The following MLYCD variants were observed in gnomAD, a reference collection of about 807,000 sequenced individuals.
MLYCD encodes the protein malonyl-CoA decarboxylase.
Under a neutral mutation model 35.8 loss-of-function variants are expected in MLYCD, and 27 were observed. That is an observed-to-expected ratio of 0.75 (90% CI 0.56 to 1.04). MLYCD has a LOEUF of 1.04. MLYCD is among the 50% of genes least tolerant of loss of function. The probability of loss-of-function intolerance (pLI) is 0.00; values close to 1 mark genes in which losing one functional copy is unlikely to be tolerated. For synonymous variants in MLYCD, 403 were observed against 302.4 expected (o/e 1.33, Z -3.45); for missense variants, 917 against 665.1 (o/e 1.38, Z -4.17).
chr16:83,915,683 G>C lies in MLYCD; in HGVS notation c.*194G>C. Reference sequence around the variant, plus strand: ...TGGGCGTGACATGCACCCAGTGCAAGACGGTTGTGGGTGCGGGTGCACACA... The same window carrying C: ...TGGGCGTGACATGCACCCAGTGCAACACGGTTGTGGGTGCGGGTGCACACA... On this transcript the variant is annotated 3_prime_UTR_variant, in exon 5 of 5. Transcript: ENST00000262430. 2 of 1,472,278 alleles carry C rather than the reference G, an allele frequency of 1.4e-6. No homozygotes were observed. The highest frequency in any genetic ancestry group is 2.5e-4 in the Middle Eastern group (1 of 4,042). The allele number at this position is 1,472,278 out of a possible 1,614,324, so 91.2% of individuals were successfully genotyped here. A position where few individuals can be genotyped will look rare whatever the true frequency, so the allele number is the denominator to read the frequency against.
chr16:83,904,198 G>A (rs960580482), intron 1 of MLYCD, among the ~76,000 whole-genome samples: 15 of 151,194 alleles, frequency 9.9e-5, no homozygotes, highest in African/African-American at 3.2e-4. Flanking sequence ...TTCATATCAC[G>A]AATGTAAGAC....
At chr16:83,902,340 G>A (rs912215682) in intron 1 of MLYCD, among the ~76,000 whole-genome samples, 5 of 150,680 alleles carry the variant, frequency 3.3e-5, no homozygotes, top group African/African-American at 1.2e-4. Context: ...ATTATAGATA[G>A]GTGTGAGCCC....
rs757157850 is a variant in MLYCD at position 83,899,480 on chromosome 16, G to A, written c.336G>A (p.Leu112=). Residue 112 remains leucine (L), a synonymous_variant, in exon 1 of 5, where the codon CTG becomes CTA. Transcript: ENST00000262430. ...AGCAGAGCGCCGGCGTGCTCCATCT[G>A]CGCCAGCAGCAGCGGGAGGCGGCGG... The part of the protein sequence containing the change: ...VAEQSAGVLH[L]RQQQREAAVL... 8 of 1,559,342 alleles carry A rather than the reference G, an allele frequency of 5.1e-6. No individual in the cohort carries two copies. The highest frequency in any genetic ancestry group is 6.9e-6 in the Non-Finnish European group (8 of 1,163,084).
At chr16:83,903,356 T>C (rs979466998) in intron 1 of MLYCD, among the ~76,000 whole-genome samples, 3 of 152,198 alleles carry the variant, frequency 2.0e-5, no homozygotes, top group Non-Finnish European at 4.4e-5. Flanking sequence ...TAAATAATAC[T>C]TATTTTTAGA....
chr16:83,903,143 A>G (rs1487169831), intron 1 of MLYCD, among the ~76,000 whole-genome samples: 1 of 152,148 alleles, frequency 6.6e-6, no homozygotes, highest in Non-Finnish European at 1.5e-5. Context: ...ATTCATGGAA[A>G]GGGTTCCTCA....
At chr16:83,903,578 A>T (rs1452819355) in intron 1 of MLYCD, among the ~76,000 whole-genome samples, 1 of 152,184 alleles carries the variant, frequency 6.6e-6, no homozygotes, top group Non-Finnish European at 1.5e-5. Flanking sequence ...AAAGAGAGGG[A>T]ACCAGTTTCT....
Position 83,899,407 on chromosome 16 carries a change from T to G in MLYCD, c.263T>G (p.Leu88Arg). 1 of 1,518,528 alleles carries G rather than the reference T, an allele frequency of 6.6e-7. No homozygotes were observed. The highest frequency in any genetic ancestry group is 2.0e-5 in the Admixed American group (1 of 48,886). The allele number at this position is 1,518,528 out of a possible 1,614,324, so 94.1% of individuals were successfully genotyped here. A position where few individuals can be genotyped will look rare whatever the true frequency, so the allele number is the denominator to read the frequency against. ...LAETAQRAEL[L>R]GRLARGFGVD... ...GAGACGGCCCAGCGGGCCGAACTGC[T>G]GGGCCGCCTGGCGCGGGGCTTCGGC... The change falls in exon 1 of 5, where the codon CTG becomes CGG. Residue 88 changes from leucine (L) to arginine (R), a missense_variant. Physicochemically the swap from Leu to Arg is moderately radical, Grantham distance 102. Coordinates refer to ENST00000262430, the MANE Select transcript of MLYCD (RefSeq NM_012213.3).
In MLYCD at chr16:83,917,616, A is replaced by G. The variant is rs186843345; in HGVS notation, c.*2127A>G. 1 of 152,340 alleles carries G rather than the reference A, an allele frequency of 6.6e-6. No individual in the cohort carries two copies. The highest frequency in any genetic ancestry group is 1.5e-5 in the Non-Finnish European group (1 of 68,044). The allele number at this position is 152,340 out of a possible 1,614,324, so 9.4% of individuals were successfully genotyped here. Reference sequence around the variant, plus strand: ...TTGTTCTCCGGGCTGATTCTGAAAGAGTGGCTTGCAGGCCAATCAATGCAA... The same window carrying G: ...TTGTTCTCCGGGCTGATTCTGAAAGGGTGGCTTGCAGGCCAATCAATGCAA... On this transcript the variant is annotated 3_prime_UTR_variant, in exon 5 of 5. Coordinates refer to ENST00000262430, the MANE Select transcript of MLYCD (RefSeq NM_012213.3).
chr16:83,916,006 A>C lies in MLYCD; in HGVS notation c.*517A>C. The C allele has an allele frequency of 9.9e-7, 1 of 1,007,534 alleles. No individual in the cohort carries two copies. Among genetic ancestry groups the C allele is most frequent in the Non-Finnish European group, 1.2e-6 (1 of 841,380 alleles). The allele number at this position is 1,007,534 out of a possible 1,614,324, so 62.4% of individuals were successfully genotyped here. A position where few individuals can be genotyped will look rare whatever the true frequency, so the allele number is the denominator to read the frequency against. On this transcript the variant is annotated 3_prime_UTR_variant, in exon 5 of 5. Transcript: ENST00000262430. ...ACTTCCCAGTTACATTCTGAAGCTC[A>C]TAAATGTATGAGAAGGTTTGTGATT...
rs560874471 is a variant in MLYCD at position 83,924,462 on chromosome 16, G to C, written c.*8973G>C. The C allele has an allele frequency of 6.6e-6, 1 of 152,154 alleles. No homozygotes were observed. The highest frequency in any genetic ancestry group is 1.5e-5 in the Non-Finnish European group (1 of 68,052). 9.4% of individuals were successfully genotyped at this position (152,154 alleles called of 1,614,324 possible). A position where few individuals can be genotyped will look rare whatever the true frequency, so the allele number is the denominator to read the frequency against. ...AAGCTCCCGTGCGTCTGTGACAGAG[G>C]CTTGAACCCCCGGCTTGTTCTCTCA... On this transcript the variant is annotated 3_prime_UTR_variant, in exon 5 of 5. Transcript: ENST00000262430.
At chr16:83,906,676 A>C (rs1906987114) in intron 1 of MLYCD, among the ~76,000 whole-genome samples, 1 of 152,242 alleles carries the variant, frequency 6.6e-6, no homozygotes, top group Admixed American at 6.5e-5. Flanking sequence ...TAGTATGCTC[A>C]CTATGGTGAA....
rs1281788935 is a variant in MLYCD at position 83,923,465 on chromosome 16, T to G, written c.*7976T>G. 1 of 152,238 alleles carries G rather than the reference T, an allele frequency of 6.6e-6. No homozygotes were observed. The highest frequency in any genetic ancestry group is 1.5e-5 in the Non-Finnish European group (1 of 68,042). 9.4% of individuals were successfully genotyped at this position (152,238 alleles called of 1,614,324 possible). ...GGTGACCCTAGATCTCTGTCTCGCC[T>G]TTGTTTGGTTTATTTCCACATTGCA... On this transcript the variant is annotated 3_prime_UTR_variant, in exon 5 of 5. Transcript: ENST00000262430.
Position 83,920,126 on chromosome 16 carries a change from C to T in MLYCD, c.*4637C>T, listed in dbSNP as rs1291016595. 1.3e-5 allele frequency: 2 copies of T among 151,876 alleles called. No homozygotes were observed. Among genetic ancestry groups the T allele is most frequent in the Non-Finnish European group, 2.9e-5 (2 of 68,000 alleles). The allele number at this position is 151,876 out of a possible 1,614,324, so 9.4% of individuals were successfully genotyped here. A position where few individuals can be genotyped will look rare whatever the true frequency, so the allele number is the denominator to read the frequency against. The stretch of plus-strand genomic sequence containing the variant: ...AGCACACGGTACACAGCAGAACACC[C>T]GCAGTGCACAGGAGAACCTAGTGCA... On this transcript the variant is annotated 3_prime_UTR_variant, in exon 5 of 5. Transcript: ENST00000262430.
In MLYCD at chr16:83,926,660, T is replaced by G. The variant is rs1391864652; in HGVS notation, c.*11171T>G. 1 of 152,270 alleles carries G rather than the reference T, an allele frequency of 6.6e-6. No homozygotes were observed. The highest frequency in any genetic ancestry group is 1.5e-5 in the Non-Finnish European group (1 of 68,072). The allele number at this position is 152,270 out of a possible 1,614,324, so 9.4% of individuals were successfully genotyped here. On this transcript the variant is annotated 3_prime_UTR_variant, in exon 5 of 5. Coordinates refer to ENST00000262430, the MANE Select transcript of MLYCD (RefSeq NM_012213.3). ...ATGTTGATATTAGTGGTCCCTTCCT[T>G]CAGGGGCTGTGGGGATCTCAAAAGA...
In MLYCD at chr16:83,915,425, TC is replaced by T; in HGVS notation, c.1419del (p.Ile474SerfsTer10). 10 of 1,613,708 alleles carry T rather than the reference TC, an allele frequency of 6.2e-6. No homozygotes were observed. Among genetic ancestry groups the T allele is most frequent in the Non-Finnish European group, 8.5e-6 (10 of 1,180,038 alleles). Reference sequence around the variant, plus strand: ...AGCACCTCCTACCTCGGCTCCAAGATCATCAAAGCCTCTGAGCAGGTCCTCA... The same window carrying T: ...AGCACCTCCTACCTCGGCTCCAAGATATCAAAGCCTCTGAGCAGGTCCTCA... Reference protein sequence around the residue: ...PNSTSYLGSKIIKASEQVLSL... With the variant: ...PNSTSYLGSKXIKASEQVLSL... On this transcript the variant is annotated frameshift_variant, in exon 5 of 5. Coordinates refer to ENST00000262430, the MANE Select transcript of MLYCD (RefSeq NM_012213.3). LOFTEE classifies it high-confidence loss of function.
intron 1 of MLYCD, among the ~76,000 whole-genome samples, chr16:83,900,582 A>ATTTT (rs1156957811): frequency 1.5e-3 from 176 of 120,990 alleles, no homozygotes; most frequent in Non-Finnish European, 2.0e-3. Context: ...TGCCCGGCTA[A>ATTTT]TTTTTTTTTT....
chr16:83,903,801 C>T (rs572576644), intron 1 of MLYCD, among the ~76,000 whole-genome samples: 1 of 152,338 alleles, frequency 6.6e-6, no homozygotes, highest in South Asian at 2.1e-4. Flanking sequence ...GCAGAATCCA[C>T]TGAGAACTGT....
intron 1 of MLYCD, among the ~76,000 whole-genome samples, chr16:83,906,184 C>T (rs766000407): frequency 1.3e-5 from 2 of 151,954 alleles, no homozygotes; most frequent in Non-Finnish European, 2.9e-5. Flanking sequence ...CTCAGGAGCT[C>T]GAGACTAGCC....
In MLYCD at chr16:83,912,294, G is replaced by C. The variant is rs139159660; in HGVS notation, c.875G>C (p.Ser292Thr). 6.2e-7 allele frequency: 1 copy of C among 1,614,198 alleles called. No individual in the cohort carries two copies. Residue 292 changes from serine (S) to threonine (T), a missense_variant, in exon 4 of 5, where the codon AGC becomes ACC. Transcript: ENST00000262430. ...ACTGCTGCGATCTTTTATTCCATCA[G>C]CTTGACCCAGCAGGGACTCCAAGGG... is the stretch of plus-strand genomic sequence containing the variant. ...KITAAIFYSI[S>T]LTQQGLQGVE... is the part of the protein sequence containing the mutation.
Sources: allele counts gnomAD v4.1 joint callset (sites outside exome capture counted in the v4.1 genomes callset), GRCh38; gene constraint gnomAD v4.1.1; transcripts MANE v1.5; gene names NCBI Gene and HGNC (gene_info 2026-07-23, HGNC 2026-07-21).